COG5: variants seen among roughly 807,000 people sequenced by gnomAD.
The protein encoded by COG5 is conserved oligomeric Golgi complex subunit 5.
A neutral mutation model predicts 110.4 loss-of-function variants in COG5; 86 were observed. That is an observed-to-expected ratio of 0.78 (90% CI 0.65 to 0.93). The LOEUF (loss-of-function observed/expected upper bound fraction) is 0.93. COG5 is among the 40% of genes least tolerant of loss of function. COG5 has a pLI of 0.00. For synonymous variants in COG5, 360 were observed against 334.6 expected (o/e 1.08, Z -0.83); for missense variants, 1,077 against 987.0 (o/e 1.09, Z -1.22).
intron 9 of COG5, 28 bp downstream of exon 9, chr7:107,362,280 T>C (rs1394251440): frequency 5.8e-6 from 9 of 1,545,652 alleles, no homozygotes; most frequent in South Asian, 1.1e-5. Flanking sequence ...TCCATATTAA[T>C]GTTTTTTCCA....
intron 7 of COG5, among the ~76,000 whole-genome samples, chr7:107,388,219 G>A (rs553804749): frequency 6.6e-6 from 1 of 152,178 alleles, no homozygotes; most frequent in African/African-American, 2.4e-5. Context: ...ATCAGTTATG[G>A]CAAACAGACG....
chr7:107,206,357 G>A lies in COG5; in HGVS notation c.2376-2727C>T, dbSNP rs1445997644. Among the ~76,000 whole-genome samples, 4 of 152,180 alleles carry A rather than the reference G, an allele frequency of 2.6e-5. No individual in the cohort carries two copies. The East Asian group carries it at 7.7e-4, about 29-fold the overall frequency. On this transcript the variant is annotated intron_variant, in intron 21 of 21. Coordinates refer to ENST00000297135, the MANE Select transcript of COG5 (RefSeq NM_006348.5). The stretch of plus-strand genomic sequence containing the variant: ...ACCACTCTCAACTGGCATGCAAGAT[G>A]GAATTTAGTGCTCTTAGAGAACAAT...
At chr7:107,372,512 G>C in intron 8 of COG5, 83 bp downstream of exon 8, 2 of 1,358,936 alleles carry the variant, frequency 1.5e-6, no homozygotes, top group Non-Finnish European at 2.1e-6. Flanking sequence ...AGATTGCTTT[G>C]AAACATGAGT....
chr7:107,442,304 T>A (rs1211078599), intron 6 of COG5, among the ~76,000 whole-genome samples: 2 of 152,078 alleles, frequency 1.3e-5, no homozygotes, highest in East Asian at 3.9e-4. Flanking sequence ...TCCTGAGGCT[T>A]CCCTAGAAGC....
intron 16 of COG5, among the ~76,000 whole-genome samples, chr7:107,250,502 T>C (rs1445020211): frequency 6.6e-6 from 1 of 152,136 alleles, no homozygotes; most frequent in Non-Finnish European, 1.5e-5. Flanking sequence ...TCAGGATTTA[T>C]TCAAAATTAC....
At chr7:107,553,556 G>A (rs1022631389) in intron 3 of COG5, among the ~76,000 whole-genome samples, 2 of 151,972 alleles carry the variant, frequency 1.3e-5, no homozygotes, top group East Asian at 1.9e-4. Context: ...TTCTTCTGAT[G>A]TACAATGATT....
At chr7:107,560,166 T>C (rs1170051288) in intron 1 of COG5, among the ~76,000 whole-genome samples, 2 of 152,202 alleles carry the variant, frequency 1.3e-5, no homozygotes, top group Non-Finnish European at 1.5e-5. Context: ...CACACAGATA[T>C]CTTAAAATCT....
intron 6 of COG5, among the ~76,000 whole-genome samples, chr7:107,423,928 T>A (rs1415343163): frequency 6.6e-6 from 1 of 151,968 alleles, no homozygotes; most frequent in African/African-American, 2.4e-5. Context: ...AGGAAAACAA[T>A]GAACAGATGA....
rs1372226146 is a variant in COG5 at position 107,479,009 on chromosome 7, G to A, written c.538+48228C>T. Among the ~76,000 whole-genome samples, 3 of 151,984 alleles carry A rather than the reference G, an allele frequency of 2.0e-5. No individual in the cohort carries two copies. In the East Asian group the frequency reaches 5.8e-4, roughly 29 times the overall value. On this transcript the variant is annotated intron_variant, in intron 6 of 21. Transcript: ENST00000297135. ...AATCTTACAGAAAAGAGGCATTTTGGCAGATACTTTGAATTATATGAAAGA... is the reference window on the plus strand; with the variant it reads ...AATCTTACAGAAAAGAGGCATTTTGACAGATACTTTGAATTATATGAAAGA...
At chr7:107,503,841 T>A (rs749607287) in intron 6 of COG5, among the ~76,000 whole-genome samples, 33 of 152,222 alleles carry the variant, frequency 2.2e-4, no homozygotes, top group Admixed American at 8.5e-4. Flanking sequence ...TACATTGACT[T>A]TGTAACCTGA....
At position 107,483,865 on chromosome 7, in the gene COG5, C is replaced by T. The variant is rs1797494595; in HGVS notation, c.538+43372G>A. ...CTCATAAAGTACCCTAAATCAGATG[C>T]AAAATGTCACGGGTATGGTTATACA... On this transcript the variant is annotated intron_variant, in intron 6 of 21. Transcript: ENST00000297135. Among the ~76,000 whole-genome samples, 3 of 144,046 alleles carry T rather than the reference C, an allele frequency of 2.1e-5. No homozygotes were observed. In the Admixed American group the frequency reaches 2.2e-4, roughly 10 times the overall value. The allele number at this position is 144,046 out of a possible 152,430, so 94.5% of individuals were successfully genotyped here.
At chr7:107,507,408 C>G (rs1430453595) in intron 6 of COG5, among the ~76,000 whole-genome samples, 1 of 150,960 alleles carries the variant, frequency 6.6e-6, no homozygotes, top group Admixed American at 6.6e-5. Flanking sequence ...ATTCTCCTGC[C>G]TCAGCCTCCC....
At chr7:107,217,096 AT>A (rs1454124319) in intron 19 of COG5, among the ~76,000 whole-genome samples, 1 of 152,290 alleles carries the variant, frequency 6.6e-6, no homozygotes, top group East Asian at 1.9e-4. Context: ...GACAAATCAT[AT>A]GGCCACAAAT....
intron 10 of COG5, among the ~76,000 whole-genome samples, chr7:107,345,261 A>G (rs947216274): frequency 6.6e-6 from 1 of 152,194 alleles, no homozygotes; most frequent in South Asian, 2.1e-4. Flanking sequence ...TCACCTTAAC[A>G]GATAAAATAA....
intron 11 of COG5, among the ~76,000 whole-genome samples, chr7:107,311,691 C>T (rs1294788358): frequency 6.6e-6 from 1 of 152,038 alleles, no homozygotes; most frequent in African/African-American, 2.4e-5. Context: ...CCGCGCCCGG[C>T]CACATTTTTT....
At chr7:107,313,683 CA>C (rs1440943716) in intron 11 of COG5, among the ~76,000 whole-genome samples, 1 of 152,124 alleles carries the variant, frequency 6.6e-6, no homozygotes, top group Non-Finnish European at 1.5e-5. Context: ...CCTCTGTTTC[CA>C]TTATCACATA....
intron 6 of COG5, among the ~76,000 whole-genome samples, chr7:107,523,973 A>C (rs947084889): frequency 6.6e-6 from 1 of 152,202 alleles, no homozygotes; most frequent in Non-Finnish European, 1.5e-5. Context: ...TCCTACAAAG[A>C]CTTGTACATG....
rs182575665 is a variant in COG5, at chr7:107,563,448, G to A, written c.94+355C>T. 2.3e-3 allele frequency: 883 copies of A among 383,220 alleles called. 2 individuals carry two copies. Among genetic ancestry groups the A allele is most frequent in the Non-Finnish European group, 3.6e-3 (715 of 200,618 alleles). 23.7% of individuals were successfully genotyped at this position (383,220 alleles called of 1,614,324 possible). ...GCTTACACTTTTGAAGAGCTCGAAC[G>A]CTACACCCCTTCGTCAAGAACTGCG... On this transcript the variant is annotated intron_variant, in intron 1 of 21. Coordinates refer to ENST00000297135, the MANE Select transcript of COG5 (RefSeq NM_006348.5).
chr7:107,477,013 G>A (rs1208910542), intron 6 of COG5, among the ~76,000 whole-genome samples: 6 of 151,402 alleles, frequency 4.0e-5, no homozygotes, highest in African/African-American at 1.5e-4. Flanking sequence ...ATTTCCTTCT[G>A]TCTTATTTTC....
Sources: allele counts gnomAD v4.1 joint callset (sites outside exome capture counted in the v4.1 genomes callset), GRCh38; gene constraint gnomAD v4.1.1; transcripts MANE v1.5; gene names NCBI Gene and HGNC (gene_info 2026-07-23, HGNC 2026-07-21).